MCM3: variants seen among roughly 807,000 people sequenced by gnomAD.
MCM3 encodes the protein minichromosome maintenance complex component 3, also known as DNA replication licensing factor MCM3.
Under a neutral mutation model 91.3 loss-of-function variants are expected in MCM3, and 59 were observed. That is an observed-to-expected ratio of 0.65 (90% CI 0.52 to 0.80). MCM3 has a LOEUF of 0.80. Among genes scored for constraint, MCM3 ranks in the 30% least tolerant of loss-of-function variants. The probability of loss-of-function intolerance (pLI) is 0.00; values close to 1 mark genes in which losing one functional copy is unlikely to be tolerated. For missense variants in MCM3, 919 were observed against 1,035.4 expected (o/e 0.89, Z 1.54); for synonymous variants, 383 against 379.6 (o/e 1.01, Z -0.10).
At position 52,282,796 on chromosome 6, in the gene MCM3, G is replaced by A; in HGVS notation, c.257C>T (p.Ser86Phe). The A allele has an allele frequency of 6.2e-7, 1 of 1,614,030 alleles. No individual in the cohort carries two copies. Reference protein sequence around the residue: ...FQRALKDFVASIDATYAKQYE... With the variant: ...FQRALKDFVAFIDATYAKQYE... ...CTGCTTGGCATAGGTAGCATCAATGGAGGCCACAAAATCCTTTAAGGCCCG... is the reference window on the plus strand; with the variant it reads ...CTGCTTGGCATAGGTAGCATCAATGAAGGCCACAAAATCCTTTAAGGCCCG... The change falls in exon 3 of 17, where the codon TCC (serine) becomes TTC (phenylalanine). Residue 86 changes from serine to phenylalanine, a missense_variant. By Grantham distance (155) the Ser-to-Phe change is radical. This residue lies in a region of MCM3 where 401 missense variants were observed against 402.7 expected (regional missense o/e 1.00). Transcript: ENST00000596288.
At chr6:52,283,164 C>A in intron 2 of MCM3, 130 bp downstream of exon 2, 1 of 684,244 alleles carries the variant, frequency 1.5e-6, no homozygotes, top group Non-Finnish European at 2.4e-6. Context: ...AAAATAGGTG[C>A]AGGTGAGCTA....
rs758576798 is a variant in MCM3 at position 52,279,346 on chromosome 6, A to C, written c.770+15T>G. Reference sequence around the variant, plus strand: ...TGTCAACAGCATTCCATATACTTTAAGGCAGACCCTTTACCTGAAGGTCCC... The same window carrying C: ...TGTCAACAGCATTCCATATACTTTACGGCAGACCCTTTACCTGAAGGTCCC... On this transcript the variant is annotated intron_variant, in intron 5 of 16. Coordinates refer to ENST00000596288, the MANE Select transcript of MCM3 (RefSeq NM_002388.6). The C allele has an allele frequency of 9.5e-5, 152 of 1,600,666 alleles. No homozygotes were observed. Among genetic ancestry groups the C allele is most frequent in the Admixed American group, 5.0e-4 (30 of 59,902 alleles).
chr6:52,276,695 T>G (rs1192567524), intron 8 of MCM3, among the ~76,000 whole-genome samples: 2 of 152,172 alleles, frequency 1.3e-5, no homozygotes, highest in African/African-American at 4.8e-5. Context: ...GACCCCTAAG[T>G]AACTAGCTTC....
At chr6:52,277,745 C>T in intron 6 of MCM3, 57 bp from the exon 7 acceptor site, 1 of 1,536,150 alleles carries the variant, frequency 6.5e-7, no homozygotes, top group Non-Finnish European at 8.9e-7. Context: ...CTTTGTGGAG[C>T]TCCACTTTAT....
intron 1 of MCM3, among the ~76,000 whole-genome samples, chr6:52,283,849 CAT>C (rs375757752): frequency 1.0e-3 from 155 of 152,336 alleles, no homozygotes; most frequent in South Asian, 8.3e-3. Context: ...TATATCAAAA[CAT>C]GTGCACTTCA....
In MCM3 at chr6:52,277,687, T is replaced by C. The variant is rs374840413; in HGVS notation, c.881A>G (p.Asp294Gly). 5 of 1,613,460 alleles carry C rather than the reference T, an allele frequency of 3.1e-6. No homozygotes were observed. In the African/African-American group the frequency reaches 6.7e-5, roughly 22 times the overall value. ...TGACTTGGCCAGCTGGTCAAAGATA[T>C]CCTACAGGAGAAATAACCAATGGCA... is the stretch of plus-strand genomic sequence containing the variant. ...IKKFSKTRSK[D>G]IFDQLAKSLA... The change falls in exon 7 of 17, where the codon GAT becomes GGT. Residue 294 changes from aspartate (D) to glycine (G), a missense_variant and splice_region_variant. Transcript: ENST00000596288.
At chr6:52,284,471 G>C in intron 1 of MCM3, 126 bp downstream of exon 1, 1 of 786,896 alleles carries the variant, frequency 1.3e-6, no homozygotes, top group Non-Finnish European at 1.9e-6. Context: ...TGGGGCTGGA[G>C]GCTCGGGCCC....
intron 6 of MCM3, 83 bp from the exon 7 acceptor site, chr6:52,277,771 G>C: frequency 7.6e-7 from 1 of 1,309,332 alleles, no homozygotes; most frequent in Non-Finnish European, 1.1e-6. Flanking sequence ...TTGGCCTATA[G>C]AAAATACTTG....
At chr6:52,265,178 G>T in intron 16 of MCM3, 1 of 332,092 alleles carries the variant, frequency 3.0e-6, no homozygotes. Context: ...CTGTAAACAG[G>T]GAACAACCCA....
At chr6:52,272,884 CAA>C (rs1765253724) in intron 11 of MCM3, among the ~76,000 whole-genome samples, 1 of 152,238 alleles carries the variant, frequency 6.6e-6, no homozygotes, top group African/African-American at 2.4e-5. Context: ...AGTCTACCTA[CAA>C]AGTCTCAAAT....
At chr6:52,275,949 A>G (rs1765516449) in intron 9 of MCM3, 1 of 258,354 alleles carries the variant, frequency 3.9e-6, no homozygotes, top group Non-Finnish European at 7.4e-6. Context: ...TTTTCATACT[A>G]TATACCTGTT....
At chr6:52,273,720 C>CT in intron 10 of MCM3, 22 bp downstream of exon 10, 1 of 1,591,558 alleles carries the variant, frequency 6.3e-7, no homozygotes, top group Non-Finnish European at 8.6e-7. Flanking sequence ...ATTAGTTACT[C>CT]TTACTATTCT....
Position 52,284,565 on chromosome 6 carries a change from C to T in MCM3, c.78+32G>A. 6 of 1,569,534 alleles carry T rather than the reference C, an allele frequency of 3.8e-6. 1 individual carries two copies. In the South Asian group the frequency reaches 6.9e-5, roughly 18 times the overall value. On this transcript the variant is annotated intron_variant, in intron 1 of 16. Coordinates refer to ENST00000596288, the MANE Select transcript of MCM3 (RefSeq NM_002388.6). ...GGGCCGCGTCCGCAGGGGCTCCGAG[C>T]GCTAGAGCCCGCGCGCCGGCGCCTC...
intron 7 of MCM3, 108 bp from the exon 8 acceptor site, chr6:52,277,306 AT>A (rs1765662400): frequency 8.2e-7 from 1 of 1,217,926 alleles, no homozygotes; most frequent in African/African-American, 1.5e-5. Flanking sequence ...CAGTAAGTGG[AT>A]TTTAATATTT....
intron 1 of MCM3, among the ~76,000 whole-genome samples, chr6:52,283,991 C>T (rs1036819297): frequency 4.6e-5 from 7 of 152,258 alleles, no homozygotes; most frequent in African/African-American, 1.2e-4. Context: ...GGTTCTCATA[C>T]CCCGACCTAA....
In MCM3 at chr6:52,267,096, C is replaced by CTTTTTTTTTTTTT. The variant is rs70977337; in HGVS notation, c.2073-413_2073-401dup. 1.0e-3 allele frequency among the ~76,000 whole-genome samples: 116 copies of CTTTTTTTTTTTTT among 111,554 alleles called. 5 individuals carry two copies. Among genetic ancestry groups the CTTTTTTTTTTTTT allele is most frequent in the African/African-American group, 3.0e-3 (90 of 29,706 alleles). The allele number at this position is 111,554 out of a possible 152,430, so 73.2% of individuals were successfully genotyped here. On this transcript the variant is annotated intron_variant, in intron 14 of 16. Coordinates refer to ENST00000596288, the MANE Select transcript of MCM3 (RefSeq NM_002388.6). ...CCTTCTCTTTTACCCAGGGTATCTTCTTTTTTTTTTTTTTTTGAGACGGAC... is the reference window on the plus strand; with the variant it reads ...CCTTCTCTTTTACCCAGGGTATCTTCTTTTTTTTTTTTTTTTTTTTTTTTTTTTTGAGACGGAC...
Position 52,264,807 on chromosome 6 carries a change from G to T in MCM3, c.2229-21C>A, listed in dbSNP as rs780593954. ...TCAACCTGCCCCAGACAGAAGAAAGGGGGAAGAGGAGTAAACAAACCCAAA... is the reference window on the plus strand; with the variant it reads ...TCAACCTGCCCCAGACAGAAGAAAGTGGGAAGAGGAGTAAACAAACCCAAA... On this transcript the variant is annotated intron_variant, in intron 16 of 16. Transcript: ENST00000596288. 1.9e-6 allele frequency: 3 copies of T among 1,611,112 alleles called. No homozygotes were observed. In the East Asian group the frequency reaches 6.7e-5, roughly 36 times the overall value.
intron 3 of MCM3, 143 bp from the exon 4 acceptor site, chr6:52,282,318 A>G: frequency 4.0e-6 from 3 of 750,748 alleles, no homozygotes; most frequent in Admixed American, 2.8e-5. Flanking sequence ...CCTTTTATTC[A>G]CTTTTTTATT....
At chr6:52,267,290 G>C (rs1424918423) in intron 14 of MCM3, among the ~76,000 whole-genome samples, 1 of 151,816 alleles carries the variant, frequency 6.6e-6, no homozygotes, top group East Asian at 1.9e-4. Flanking sequence ...AGTAGAGACA[G>C]GGTTTCACTG....
Sources: gnomAD v4.1 joint callset for allele counts (sites outside exome capture counted in the v4.1 genomes callset) on GRCh38, gnomAD v4.1.1 for gene constraint, gnomAD v4.1.1 regional missense constraint, MANE v1.5 for transcripts, NCBI Gene and HGNC (gene_info 2026-07-23, HGNC 2026-07-21) for gene names.